Variants in CDKN2C observed in about 807,000 individuals in gnomAD.
CDKN2C encodes cyclin-dependent kinase 4 inhibitor C.
CDKN2C carries 5 observed loss-of-function variants against 11.0 expected under a neutral mutation model. The observed-to-expected ratio is 0.45, with a 90% confidence interval of 0.24 to 0.95. CDKN2C has a LOEUF of 0.95. CDKN2C is among the 40% of genes least tolerant of loss of function. The pLI is 0.21. For synonymous variants in CDKN2C, 79 were observed against 88.3 expected, an observed-to-expected ratio of 0.89 and a Z score of 0.59; for missense variants, 161 against 211.9, an observed-to-expected ratio of 0.76 and a Z score of 1.49.
chr1:50,971,012 G>A (rs1006588984), intron 1 of CDKN2C, among the ~76,000 whole-genome samples: 2 of 152,152 alleles, frequency 1.3e-5, no homozygotes, highest in Non-Finnish European at 2.9e-5. Context: ...CCTGGGCACC[G>A]GGACAGGATG....
At chr1:50,971,017 A>C (rs1645376679) in intron 1 of CDKN2C, among the ~76,000 whole-genome samples, 1 of 152,260 alleles carries the variant, frequency 6.6e-6, no homozygotes, top group Non-Finnish European at 1.5e-5. Flanking sequence ...GCACCGGGAC[A>C]GGATGTACAT....
chr1:50,970,214 CTTACTAGTA>C (rs1211797053), upstream of CDKN2C: 1 of 866,054 alleles, frequency 1.2e-6, no homozygotes, highest in Non-Finnish European at 1.8e-6. Flanking sequence ...GCAGGCAGAT[CTTACTAGTA>C]TTTACTACCA....
chr1:50,969,978 C>T (rs3176453), upstream of CDKN2C: 984 of 325,308 alleles, frequency 3.0e-3, 5 homozygotes, highest in African/African-American at 0.018. The surrounding 1 kb of genome is among the most constrained non-coding windows in gnomAD (Gnocchi z 6.6). Flanking sequence ...TCCCTTGAGT[C>T]TCCACACACA....
chr1:50,965,856 T>C (rs1645344915), upstream of CDKN2C, among the ~76,000 whole-genome samples: 1 of 152,202 alleles, frequency 6.6e-6, no homozygotes, highest in Non-Finnish European at 1.5e-5. Context: ...CCCAGTCTGT[T>C]TTCCACCTCT....
chr1:50,969,873 C>T (rs541270521), upstream of CDKN2C: 23 of 211,070 alleles, frequency 1.1e-4, no homozygotes, highest in South Asian at 2.1e-3. The surrounding 1 kb of genome is among the most constrained non-coding windows in gnomAD (Gnocchi z 6.6). Context: ...CTGCCTCACA[C>T]GGCTCAAGTC....
intron 1 of CDKN2C, among the ~76,000 whole-genome samples, chr1:50,972,458 TAAAC>T (rs755491255): frequency 1.4e-4 from 22 of 152,234 alleles, no homozygotes; most frequent in Middle Eastern, 6.8e-3. Flanking sequence ...TAGATTTTTT[TAAAC>T]AAACATTTAA....
At chr1:50,971,660 A>G (rs1645380988) in intron 1 of CDKN2C, among the ~76,000 whole-genome samples, 1 of 152,212 alleles carries the variant, frequency 6.6e-6, no homozygotes, top group South Asian at 2.1e-4. Flanking sequence ...AATTTAATAT[A>G]TTGAAAAGTT....
At chr1:50,969,825 TGGAAA>T, upstream of CDKN2C, 1 of 193,906 alleles carries the variant, frequency 5.2e-6, no homozygotes, top group South Asian at 1.5e-4. The surrounding 1 kb of genome is among the most constrained non-coding windows in gnomAD (Gnocchi z 6.6). Flanking sequence ...GCGAGACGGA[TGGAAA>T]CCGAGCCCCC....
intron 1 of CDKN2C, chr1:50,960,939 T>C (rs567117887): frequency 2.6e-4 from 40 of 152,330 alleles, no homozygotes; most frequent in African/African-American, 9.4e-4. Context: ...GCTGCAGTTA[T>C]ATTTGTTTTT....
chr1:50,966,069 C>T (rs1282612207), upstream of CDKN2C, among the ~76,000 whole-genome samples: 1 of 151,108 alleles, frequency 6.6e-6, no homozygotes, highest in African/African-American at 2.4e-5. Flanking sequence ...GACTGAATCA[C>T]ATTTCTATTC....
chr1:50,970,434 T>A lies in CDKN2C; in HGVS notation c.66T>A (p.Thr22=). 1 of 1,614,140 alleles carries A rather than the reference T, an allele frequency of 6.2e-7. No individual in the cohort carries two copies. The highest frequency in any genetic ancestry group is 1.6e-4 in the Middle Eastern group (1 of 6,062). The change falls in exon 1 of 2, where the codon ACT becomes ACA. Residue 22 remains threonine (T), a synonymous_variant. Transcript: ENST00000371761. The part of the protein sequence containing the change: ...AAARGDLEQL[T]SLLQNNVNVN... ...CCAGGGGGGACCTAGAGCAACTTACTAGTTTGTTGCAAAATAATGTAAACG... is the reference window on the plus strand; with the variant it reads ...CCAGGGGGGACCTAGAGCAACTTACAAGTTTGTTGCAAAATAATGTAAACG...
chr1:50,974,179 C>T lies in CDKN2C; in HGVS notation c.416C>T (p.Thr139Ile), dbSNP rs1417929897. ...GGGCATCGGAACCATAAGGGGGACA[C>T]CGCCTGTGATTTGGCCAGGCTCTAT... ...NVGHRNHKGD[T>I]ACDLARLYGR... Residue 139 changes from threonine (T) to isoleucine (I), a missense_variant, in exon 2 of 2, where the codon ACC (threonine) becomes ATC (isoleucine). Coordinates refer to ENST00000371761, the MANE Select transcript of CDKN2C (RefSeq NM_078626.3). The T allele has an allele frequency of 6.2e-7, 1 of 1,613,294 alleles. No individual in the cohort carries two copies. Among genetic ancestry groups the T allele is most frequent in the South Asian group, 1.1e-5 (1 of 91,060 alleles).
intron 1 of CDKN2C, among the ~76,000 whole-genome samples, chr1:50,973,457 C>A (rs1444678166): frequency 2.6e-5 from 4 of 152,116 alleles, no homozygotes; most frequent in Non-Finnish European, 5.9e-5. Flanking sequence ...ATATGATTTT[C>A]TAGAATTAAT....
intron 1 of CDKN2C, among the ~76,000 whole-genome samples, chr1:50,961,471 T>C (rs1645322457): frequency 6.6e-6 from 1 of 152,210 alleles, no homozygotes; most frequent in African/African-American, 2.4e-5. Flanking sequence ...AGTTTGTAAT[T>C]GTCGTCCAGG....
intron 1 of CDKN2C, among the ~76,000 whole-genome samples, chr1:50,961,977 T>C (rs1645326972): frequency 6.6e-6 from 1 of 152,302 alleles, no homozygotes; most frequent in East Asian, 1.9e-4. Flanking sequence ...GAAAATAGGC[T>C]GGCCTACAGT....
chr1:50,963,049 C>G (rs1645333183), intron 1 of CDKN2C, among the ~76,000 whole-genome samples: 1 of 152,124 alleles, frequency 6.6e-6, no homozygotes, highest in African/African-American at 2.4e-5. Context: ...AACCTTAAAA[C>G]TCTCCAAACA....
rs192434578 is a variant in CDKN2C at position 50,963,829 on chromosome 1, A to G, written c.-1976+3026A>G. On this transcript the variant is annotated intron_variant, in intron 1 of 3. Coordinates refer to the CDKN2C transcript ENST00000262662. ...AAGGAAATGTAAAGAAATTTGGTCC[A>G]TGCACGAGCAAAGAAAAGTAATTTT... is the stretch of plus-strand genomic sequence containing the variant. Among the ~76,000 whole-genome samples the G allele has an allele frequency of 5.3e-5, 8 of 152,340 alleles. No homozygotes were observed. In the East Asian group the frequency reaches 1.3e-3, roughly 26 times the overall value.
chr1:50,974,341 T>G lies in CDKN2C; in HGVS notation c.*71T>G. ...TGAGTAGCTCTCCTGACTTTTAATGTCATTTGTTAAAATACAGTTCTGTCA... is the reference window on the plus strand; with the variant it reads ...TGAGTAGCTCTCCTGACTTTTAATGGCATTTGTTAAAATACAGTTCTGTCA... On this transcript the variant is annotated 3_prime_UTR_variant, in exon 2 of 2. Coordinates refer to ENST00000371761, the MANE Select transcript of CDKN2C (RefSeq NM_078626.3). 4 of 1,438,080 alleles carry G rather than the reference T, an allele frequency of 2.8e-6. No homozygotes were observed. Among genetic ancestry groups the G allele is most frequent in the Non-Finnish European group, 3.7e-6 (4 of 1,071,754 alleles). The allele number at this position is 1,438,080 out of a possible 1,614,324, so 89.1% of individuals were successfully genotyped here.
intron 1 of CDKN2C, 91 bp from the exon 2 acceptor site, chr1:50,973,802 A>G (rs1258569999): frequency 6.8e-7 from 1 of 1,465,172 alleles, no homozygotes; most frequent in Non-Finnish European, 9.5e-7. Flanking sequence ...AAAAATAAAT[A>G]GTTACATAAA....
Sources: allele counts gnomAD v4.1 joint callset (sites outside exome capture counted in the v4.1 genomes callset), GRCh38; gene constraint gnomAD v4.1.1; non-coding constraint Gnocchi (gnomAD v3.1); transcripts MANE v1.5; gene names NCBI Gene and HGNC (gene_info 2026-07-23, HGNC 2026-07-21).